Variants in EPC1 observed in about 807,000 individuals in gnomAD.
EPC1 encodes enhancer of polycomb homolog 1.
A neutral mutation model predicts 98.4 loss-of-function variants in EPC1; 12 were observed. The observed-to-expected ratio is 0.12, with a 90% CI of 0.08 to 0.20. EPC1 has a LOEUF of 0.20. EPC1 is among the 10% of genes least tolerant of loss of function. EPC1 has a pLI of 1.00. For missense variants in EPC1, 729 were observed against 990.5 expected (o/e 0.74, Z 3.54); for synonymous variants, 357 against 363.9 (o/e 0.98, Z 0.21).
chr10:32,280,697 C>T (rs1836365876), intron 10 of EPC1, among the ~76,000 whole-genome samples: 1 of 152,058 alleles, frequency 6.6e-6, no homozygotes, highest in Admixed American at 6.6e-5. Context: ...GAGATCATGC[C>T]ACTGCACTCC....
chr10:32,285,147 A>G, intron 9 of EPC1, 97 bp from the exon 10 acceptor site: 1 of 867,102 alleles, frequency 1.2e-6, no homozygotes, highest in Non-Finnish European at 1.8e-6. Flanking sequence ...CCAAAAGGCC[A>G]ACTCATACTG....
chr10:32,330,848 T>C (rs141660675), intron 1 of EPC1, among the ~76,000 whole-genome samples: 1 of 151,636 alleles, frequency 6.6e-6, no homozygotes, highest in East Asian at 1.9e-4. Context: ...GTCATAAAAA[T>C]ATAAAGGCCA....
At chr10:32,297,842 G>A (rs1592564489) in intron 2 of EPC1, among the ~76,000 whole-genome samples, 1 of 152,182 alleles carries the variant, frequency 6.6e-6, no homozygotes, top group East Asian at 1.9e-4. Context: ...CTGTCGCCCA[G>A]GCTGGAGTGC....
intron 1 of EPC1, among the ~76,000 whole-genome samples, chr10:32,318,398 G>A (rs1024302551): frequency 6.6e-6 from 1 of 152,114 alleles, no homozygotes; most frequent in African/African-American, 2.4e-5. Flanking sequence ...AACTAAATCT[G>A]TCCCACTGCT....
At chr10:32,306,856 A>G (rs931453479) in intron 1 of EPC1, among the ~76,000 whole-genome samples, 1 of 33,932 alleles carries the variant, frequency 2.9e-5, no homozygotes, top group African/African-American at 5.0e-5. Context: ...TATTAAATTC[A>G]AACACACACA....
chr10:32,298,037 T>C (rs1350371719), intron 2 of EPC1, among the ~76,000 whole-genome samples: 1 of 152,154 alleles, frequency 6.6e-6, no homozygotes, highest in African/African-American at 2.4e-5. Flanking sequence ...GACCTCGTGA[T>C]CTGCCCACCT....
intron 1 of EPC1, among the ~76,000 whole-genome samples, chr10:32,318,783 C>T (rs957984416): frequency 6.6e-6 from 1 of 152,216 alleles, no homozygotes; most frequent in Non-Finnish European, 1.5e-5. Context: ...TACTCTCCAT[C>T]CCACGGCCAC....
chr10:32,300,340 A>C (rs1233272042), intron 2 of EPC1, among the ~76,000 whole-genome samples: 3 of 150,888 alleles, frequency 2.0e-5, no homozygotes, highest in Admixed American at 6.6e-5. Context: ...GGTGTGCTGC[A>C]CCCATTAACT....
In EPC1 at chr10:32,342,947, C is replaced by T. The variant is rs188825028; in HGVS notation, c.153+3816G>A. 5.3e-5 allele frequency among the ~76,000 whole-genome samples: 8 copies of T among 152,250 alleles called. No homozygotes were observed. In the East Asian group the frequency reaches 1.5e-3, roughly 29 times the overall value. ...GTATTAATCCATTTGGTAAGTTTAA[C>T]CTTTCAATAGAATGCGAAGCCGTAG... On this transcript the variant is annotated intron_variant, in intron 1 of 13. Coordinates refer to ENST00000319778, the MANE Select transcript of EPC1 (RefSeq NM_001272004.3).
chr10:32,287,180 C>T lies in EPC1; in HGVS notation c.1070G>A (p.Ser357Asn), dbSNP rs1459128470. The T allele has an allele frequency of 1.2e-6, 2 of 1,614,032 alleles. No homozygotes were observed. The highest frequency in any genetic ancestry group is 2.7e-5 in the African/African-American group (2 of 74,904). The change falls in exon 7 of 14, where the codon AGT becomes AAT. Residue 357 changes from serine (S) to asparagine (N), a missense_variant. By Grantham distance (46) the Ser-to-Asn change is conservative. Transcript: ENST00000319778. ...ATTGAAGACTGGCAGTGCAGCAGGA[C>T]TCGTCTGTTGGGGAGTAGCAGCGGC... ...SSAAATPQQT[S>N]PAALPVFNAK...
At chr10:32,300,315 T>A (rs1030753795) in intron 2 of EPC1, among the ~76,000 whole-genome samples, 1 of 152,124 alleles carries the variant, frequency 6.6e-6, no homozygotes, top group Non-Finnish European at 1.5e-5. Flanking sequence ...TACATATGTA[T>A]ACATGTGCCA....
intron 1 of EPC1, among the ~76,000 whole-genome samples, chr10:32,310,221 A>G (rs1564539543): frequency 6.6e-6 from 1 of 152,116 alleles, no homozygotes; most frequent in Non-Finnish European, 1.5e-5. Context: ...AAGAACATGG[A>G]TTTTGTAATC....
chr10:32,319,512 A>G (rs1170994726), intron 1 of EPC1, among the ~76,000 whole-genome samples: 4 of 152,162 alleles, frequency 2.6e-5, no homozygotes, highest in Non-Finnish European at 5.9e-5. Context: ...ATGTGATGTC[A>G]TGGGGACACG....
chr10:32,281,125 C>A (rs1015370226), intron 10 of EPC1, among the ~76,000 whole-genome samples: 1 of 152,164 alleles, frequency 6.6e-6, no homozygotes. Flanking sequence ...ACGTCTGCCT[C>A]CTGGGTTCAA....
chr10:32,302,667 A>C (rs1835635492), intron 2 of EPC1, among the ~76,000 whole-genome samples: 1 of 144,422 alleles, frequency 6.9e-6, no homozygotes, highest in Non-Finnish European at 1.5e-5. Context: ...AAAAAAAAGG[A>C]GGGTGGGGGA....
At chr10:32,304,840 A>G (rs1316222470) in intron 2 of EPC1, among the ~76,000 whole-genome samples, 1 of 151,428 alleles carries the variant, frequency 6.6e-6, no homozygotes, top group Admixed American at 6.6e-5. Context: ...AATCCCTTGA[A>G]CCCAGGAGGT....
At chr10:32,362,574 C>T (rs1839474017) in intron 1 of EPC1, among the ~76,000 whole-genome samples, 1 of 152,154 alleles carries the variant, frequency 6.6e-6, no homozygotes, top group Non-Finnish European at 1.5e-5. Context: ...ATGCCAGCAT[C>T]GTGCCTCCCA....
intron 1 of EPC1, among the ~76,000 whole-genome samples, chr10:32,355,971 A>T (rs2479351): frequency 6.6e-6 from 1 of 152,016 alleles, no homozygotes; most frequent in Non-Finnish European, 1.5e-5. Context: ...AGTAATGCAC[A>T]TACAAATCAG....
At chr10:32,325,072 TAACAA>T (rs1399454786) in intron 1 of EPC1, among the ~76,000 whole-genome samples, 4 of 152,182 alleles carry the variant, frequency 2.6e-5, no homozygotes, top group South Asian at 2.1e-4. Flanking sequence ...CTGTCACTGT[TAACAA>T]AACAAGTGTC....
Sources: allele counts gnomAD v4.1 joint callset (sites outside exome capture counted in the v4.1 genomes callset), GRCh38; gene constraint gnomAD v4.1.1; transcripts MANE v1.5; gene names NCBI Gene and HGNC (gene_info 2026-07-23, HGNC 2026-07-21).